CDK14: variants seen among roughly 807,000 people sequenced by gnomAD.
CDK14 encodes the protein cyclin-dependent kinase 14.
CDK14 carries 34 observed loss-of-function variants against 60.7 expected under a neutral mutation model. The observed-to-expected ratio is 0.56, with a 90% confidence interval of 0.43 to 0.75. The LOEUF is 0.75. Among genes scored for constraint, CDK14 ranks in the 30% least tolerant of loss-of-function variants. The probability of loss-of-function intolerance (pLI) is 0.00; values close to 1 mark genes in which losing one functional copy is unlikely to be tolerated. For missense variants in CDK14, 482 were observed against 564.1 expected, an observed-to-expected ratio of 0.85 and a Z score of 1.47; for synonymous variants, 197 against 203.7, an observed-to-expected ratio of 0.97 and a Z score of 0.28.
chr7:90,698,066 T>C (rs1273806725), intron 2 of CDK14, among the ~76,000 whole-genome samples: 1 of 9,484 alleles, frequency 1.1e-4, no homozygotes, highest in African/African-American at 4.4e-4. Context: ...AGACTCTGTC[T>C]CAAAAAAAAA....
intron 5 of CDK14, among the ~76,000 whole-genome samples, chr7:90,808,318 C>A (rs1296896852): frequency 6.6e-6 from 1 of 152,152 alleles, no homozygotes; most frequent in Admixed American, 6.5e-5. Context: ...ATTCAACATT[C>A]TTAAAGAAAA....
chr7:91,010,819 T>C (rs186231249), intron 10 of CDK14, among the ~76,000 whole-genome samples: 9 of 73,814 alleles, frequency 1.2e-4, no homozygotes, highest in Middle Eastern at 6.9e-3. Flanking sequence ...CTTCCTTCCT[T>C]CCTTCCTTCC....
chr7:90,750,921 A>G (rs1344486660), intron 4 of CDK14, among the ~76,000 whole-genome samples: 1 of 152,188 alleles, frequency 6.6e-6, no homozygotes, highest in Non-Finnish European at 1.5e-5. Flanking sequence ...AAGCTTCAAT[A>G]TCTTAGACCA....
intron 14 of CDK14, among the ~76,000 whole-genome samples, chr7:91,143,641 A>C (rs1364959597): frequency 6.6e-6 from 1 of 152,144 alleles, no homozygotes; most frequent in Non-Finnish European, 1.5e-5. Flanking sequence ...GGATCACTTG[A>C]TCCCAGGAAT....
intron 10 of CDK14, among the ~76,000 whole-genome samples, chr7:90,985,719 CCTCT>C (rs1795355547): frequency 1.3e-5 from 2 of 152,100 alleles, no homozygotes; most frequent in Admixed American, 1.3e-4. Flanking sequence ...ACATGTGATT[CCTCT>C]ATGCAGTAGC....
At chr7:90,650,980 C>T (rs1478957532) in intron 2 of CDK14, among the ~76,000 whole-genome samples, 1 of 152,090 alleles carries the variant, frequency 6.6e-6, no homozygotes, top group Non-Finnish European at 1.5e-5. Flanking sequence ...GTAGTTTTTT[C>T]CAATTCTGTG....
chr7:91,002,661 C>G (rs1795873906), intron 10 of CDK14, among the ~76,000 whole-genome samples: 1 of 152,184 alleles, frequency 6.6e-6, no homozygotes, highest in Non-Finnish European at 1.5e-5. Flanking sequence ...AGGGATCTCA[C>G]AGTCTGGCCA....
chr7:90,875,468 A>C (rs751617739), intron 6 of CDK14, among the ~76,000 whole-genome samples: 22 of 151,902 alleles, frequency 1.4e-4, no homozygotes, highest in Non-Finnish European at 1.8e-4. Flanking sequence ...TTACAATCCA[A>C]CCAGCAGTGT....
At chr7:90,897,071 A>T (rs1409346718) in intron 6 of CDK14, among the ~76,000 whole-genome samples, 4 of 151,992 alleles carry the variant, frequency 2.6e-5, no homozygotes, top group Non-Finnish European at 4.4e-5. Context: ...ATTTTGTGAA[A>T]TTTTCCGTTT....
At chr7:90,888,154 A>G (rs1447406993) in intron 6 of CDK14, among the ~76,000 whole-genome samples, 1 of 152,154 alleles carries the variant, frequency 6.6e-6, no homozygotes, top group East Asian at 1.9e-4. Context: ...GATTGAGACC[A>G]TCCTGGCCAG....
At chr7:91,108,545 A>G (rs553340554) in intron 12 of CDK14, among the ~76,000 whole-genome samples, 85 of 152,322 alleles carry the variant, frequency 5.6e-4, no homozygotes, top group African/African-American at 2.0e-3. Context: ...TGAACAGTCT[A>G]TGCCTTCTGT....
chr7:90,644,409 A>G (rs1377071138), intron 2 of CDK14, among the ~76,000 whole-genome samples: 3 of 152,222 alleles, frequency 2.0e-5, no homozygotes, highest in Non-Finnish European at 4.4e-5. Flanking sequence ...TGGGTAATCT[A>G]ATCATTAAGT....
At chr7:90,965,071 T>G (rs1323120342) in intron 9 of CDK14, among the ~76,000 whole-genome samples, 1 of 152,202 alleles carries the variant, frequency 6.6e-6, no homozygotes, top group African/African-American at 2.4e-5. Context: ...TCAGCCATGT[T>G]CTTGAAACTT....
At chr7:90,921,654 C>A (rs763728737) in intron 8 of CDK14, among the ~76,000 whole-genome samples, 1 of 151,848 alleles carries the variant, frequency 6.6e-6, no homozygotes, top group Non-Finnish European at 1.5e-5. Context: ...CAAAAGACAT[C>A]GAGATTAAAG....
At chr7:90,819,520 G>A (rs767896825) in intron 5 of CDK14, among the ~76,000 whole-genome samples, 44 of 151,320 alleles carry the variant, frequency 2.9e-4, no homozygotes, top group Non-Finnish European at 4.9e-4. Context: ...AAAGAAACAT[G>A]TAGAAAATTG....
At chr7:90,724,422 A>C in intron 2 of CDK14, among the ~76,000 whole-genome samples, 1 of 148,620 alleles carries the variant, frequency 6.7e-6, no homozygotes. Context: ...TTTCTATTTT[A>C]TTTATATCCA....
At chr7:90,910,018 C>CA (rs889383560) in intron 7 of CDK14, among the ~76,000 whole-genome samples, 2 of 151,978 alleles carry the variant, frequency 1.3e-5, no homozygotes, top group Non-Finnish European at 2.9e-5. Flanking sequence ...ATATATATTG[C>CA]AAAAAAATAC....
At chr7:90,625,359 G>A (rs934527199) in intron 2 of CDK14, among the ~76,000 whole-genome samples, 8 of 152,106 alleles carry the variant, frequency 5.3e-5, no homozygotes, top group African/African-American at 1.4e-4. Flanking sequence ...TTATTTTTAA[G>A]TGGAATAAGT....
At chr7:90,907,773 C>G (rs1273693885) in intron 7 of CDK14, among the ~76,000 whole-genome samples, 1 of 151,988 alleles carries the variant, frequency 6.6e-6, no homozygotes. Flanking sequence ...TGGCTGAAAA[C>G]TTGCTATTTT....
Sources: allele counts gnomAD v4.1 joint callset (sites outside exome capture counted in the v4.1 genomes callset), GRCh38; gene constraint gnomAD v4.1.1; transcripts MANE v1.5; gene names NCBI Gene and HGNC (gene_info 2026-07-23, HGNC 2026-07-21).